Variants in PIK3CB observed in about 807,000 individuals in gnomAD.
The protein encoded by PIK3CB is phosphatidylinositol-4,5-bisphosphate 3-kinase catalytic subunit beta, also known as phosphatidylinositol 4,5-bisphosphate 3-kinase catalytic subunit beta isoform.
Under a neutral mutation model 136.8 loss-of-function variants are expected in PIK3CB, and 39 were observed. The observed-to-expected ratio is 0.29, with a 90% CI of 0.22 to 0.37. The LOEUF (loss-of-function observed/expected upper bound fraction) is 0.37, where lower values mean the gene tolerates loss of function less well. Ranked by LOEUF, PIK3CB falls within the 10% of genes least tolerant of loss-of-function variation. The pLI is 1.00. For missense variants in PIK3CB, 868 were observed against 1,275.4 expected, an observed-to-expected ratio of 0.68 and a Z score of 4.87; for synonymous variants, 428 against 436.6, an observed-to-expected ratio of 0.98 and a Z score of 0.25.
At chr3:138,792,688 T>C (rs2046066126) in intron 2 of PIK3CB, among the ~76,000 whole-genome samples, 2 of 152,234 alleles carry the variant, frequency 1.3e-5, no homozygotes, top group Non-Finnish European at 2.9e-5. Context: ...GCAATCTTTC[T>C]GCTTAGAAAC....
intron 1 of PIK3CB, among the ~76,000 whole-genome samples, chr3:138,816,831 T>C (rs990567594): frequency 1.3e-5 from 2 of 152,042 alleles, no homozygotes; most frequent in Admixed American, 6.6e-5. Flanking sequence ...GAGAATTAAG[T>C]ACACAAAAAA....
intron 5 of PIK3CB, among the ~76,000 whole-genome samples, chr3:138,740,715 C>T (rs2045227051): frequency 6.6e-6 from 1 of 151,898 alleles, no homozygotes; most frequent in Non-Finnish European, 1.5e-5. Context: ...TGTGGTGGCG[C>T]AATCTGGGCT....
At chr3:138,808,687 C>CA (rs1177517365) in intron 1 of PIK3CB, among the ~76,000 whole-genome samples, 6 of 148,552 alleles carry the variant, frequency 4.0e-5, no homozygotes, top group East Asian at 2.0e-4. Flanking sequence ...TGTCTCAAAA[C>CA]AAAAAAAAAT....
intron 17 of PIK3CB, 30 bp from the exon 18 acceptor site, chr3:138,683,817 T>G (rs779178396): frequency 1.9e-6 from 2 of 1,053,424 alleles, no homozygotes; most frequent in South Asian, 2.5e-5. Flanking sequence ...ATTAGTCAAC[T>G]TCAGTGTAAT....
intron 1 of PIK3CB, among the ~76,000 whole-genome samples, chr3:138,808,516 C>T (rs1338305156): frequency 6.6e-6 from 1 of 151,896 alleles, no homozygotes; most frequent in Non-Finnish European, 1.5e-5. Context: ...TAGTGTGTCT[C>T]TACAAAGAAA....
chr3:138,829,173 T>C (rs1310083931), intron 1 of PIK3CB, among the ~76,000 whole-genome samples: 1 of 151,802 alleles, frequency 6.6e-6, no homozygotes, highest in East Asian at 1.9e-4. Flanking sequence ...TTAATAAAAA[T>C]AAATAAAGGC....
chr3:138,655,855 G>A (rs1275047785), intron 23 of PIK3CB, among the ~76,000 whole-genome samples: 2 of 152,158 alleles, frequency 1.3e-5, no homozygotes, highest in African/African-American at 4.8e-5. Context: ...AATCAAGGTG[G>A]CAACCCGCTC....
chr3:138,744,987 T>G (rs928657766), intron 4 of PIK3CB, among the ~76,000 whole-genome samples: 1 of 152,358 alleles, frequency 6.6e-6, no homozygotes, highest in African/African-American at 2.4e-5. Context: ...ATTTCCTTGA[T>G]TGGTTCTGTT....
chr3:138,774,081 G>A, intron 2 of PIK3CB, among the ~76,000 whole-genome samples: 1 of 152,176 alleles, frequency 6.6e-6, no homozygotes, highest in Non-Finnish European at 1.5e-5. Flanking sequence ...TTACAGGAGA[G>A]CATTTTCTGT....
intron 13 of PIK3CB, among the ~76,000 whole-genome samples, chr3:138,697,753 T>G (rs1386130741): frequency 6.6e-6 from 1 of 152,122 alleles, no homozygotes; most frequent in Non-Finnish European, 1.5e-5. Context: ...TTTTATTTTT[T>G]TGAGACAAGG....
At chr3:138,733,868 ACT>A (rs1280573614) in intron 7 of PIK3CB, among the ~76,000 whole-genome samples, 1 of 151,514 alleles carries the variant, frequency 6.6e-6, no homozygotes, top group African/African-American at 2.4e-5. Flanking sequence ...ACAGAGCAAG[ACT>A]CTGTCTCAAA....
chr3:138,663,297 T>C (rs1449239188), intron 21 of PIK3CB, among the ~76,000 whole-genome samples: 2 of 152,222 alleles, frequency 1.3e-5, no homozygotes, highest in African/African-American at 2.4e-5. Flanking sequence ...TCCAGTACAT[T>C]ATCCGCTCCT....
intron 2 of PIK3CB, among the ~76,000 whole-genome samples, chr3:138,762,946 T>G (rs1273290708): frequency 6.6e-6 from 1 of 151,530 alleles, no homozygotes; most frequent in East Asian, 1.9e-4. Flanking sequence ...GGCAACAGAG[T>G]GAGAGTCTGC....
At chr3:138,670,328 A>C (rs2043508273) in intron 19 of PIK3CB, among the ~76,000 whole-genome samples, 1 of 152,244 alleles carries the variant, frequency 6.6e-6, no homozygotes, top group Admixed American at 6.5e-5. Context: ...TCTACTAATT[A>C]GCAAAGGAGA....
intron 4 of PIK3CB, among the ~76,000 whole-genome samples, chr3:138,752,878 T>C (rs1038929849): frequency 1.3e-5 from 2 of 152,324 alleles, no homozygotes; most frequent in Non-Finnish European, 2.9e-5. Flanking sequence ...GCACAGCATA[T>C]GTAATATTTC....
At chr3:138,723,605 T>C (rs1014298523) in intron 8 of PIK3CB, among the ~76,000 whole-genome samples, 1 of 152,174 alleles carries the variant, frequency 6.6e-6, no homozygotes, top group Non-Finnish European at 1.5e-5. Flanking sequence ...TATCCAACTT[T>C]AATAAATTTT....
chr3:138,779,989 G>A (rs574405217), intron 2 of PIK3CB, among the ~76,000 whole-genome samples: 5 of 151,622 alleles, frequency 3.3e-5, no homozygotes, highest in Non-Finnish European at 4.4e-5. Context: ...ACAGAGTCTC[G>A]CTCTGTTGCC....
intron 1 of PIK3CB, among the ~76,000 whole-genome samples, chr3:138,808,664 A>G (rs1226174626): frequency 2.0e-5 from 3 of 151,784 alleles, no homozygotes; most frequent in Admixed American, 6.6e-5. Context: ...AGCATGTACA[A>G]CAAGCAAGAC....
chr3:138,690,727 A>C (rs2043990244), intron 15 of PIK3CB, among the ~76,000 whole-genome samples: 1 of 151,566 alleles, frequency 6.6e-6, no homozygotes, highest in Admixed American at 6.6e-5. Flanking sequence ...CACACACAAA[A>C]AAAAAAAAAA....
Sources: gnomAD v4.1 joint callset for allele counts (sites outside exome capture counted in the v4.1 genomes callset) on GRCh38, gnomAD v4.1.1 for gene constraint, MANE v1.5 for transcripts, NCBI Gene and HGNC (gene_info 2026-07-23, HGNC 2026-07-21) for gene names.